Variants in WWOX observed in about 807,000 individuals in gnomAD.
WWOX encodes the protein WW domain-containing oxidoreductase.
A neutral mutation model predicts 46.2 loss-of-function variants in WWOX; 69 were observed. That is an observed-to-expected ratio of 1.49 (90% CI 1.23 to 1.82). The LOEUF (loss-of-function observed/expected upper bound fraction) is 1.82, where lower values mean the gene tolerates loss of function less well. Among genes scored for constraint, WWOX ranks in the 40% most tolerant of loss-of-function variants. The pLI is 0.00. For synonymous variants in WWOX, 359 were observed against 202.6 expected, an observed-to-expected ratio of 1.77 and a Z score of -6.56; for missense variants, 919 against 542.6, an observed-to-expected ratio of 1.69 and a Z score of -6.89.
chr16:78,585,732 TTC>T (rs1196496422), intron 8 of WWOX, among the ~76,000 whole-genome samples: 1 of 151,692 alleles, frequency 6.6e-6, no homozygotes, highest in Admixed American at 6.6e-5. Context: ...TGTGCTTGGC[TTC>T]TCCACAGAGG....
chr16:78,965,341 G>A (rs955409221), intron 8 of WWOX, among the ~76,000 whole-genome samples: 3 of 152,124 alleles, frequency 2.0e-5, no homozygotes, highest in African/African-American at 7.2e-5. Context: ...GGCTGAGGTG[G>A]GTGGAGCACC....
intron 8 of WWOX, among the ~76,000 whole-genome samples, chr16:78,965,602 A>G (rs2046350034): frequency 6.6e-6 from 1 of 151,792 alleles, no homozygotes; most frequent in Non-Finnish European, 1.5e-5. Context: ...TTATTCAGAT[A>G]CACAGTCTAA....
intron 8 of WWOX, among the ~76,000 whole-genome samples, chr16:79,192,063 A>T (rs2051147333): frequency 6.6e-6 from 1 of 152,200 alleles, no homozygotes; most frequent in Non-Finnish European, 1.5e-5. Flanking sequence ...CTTCTCCTCA[A>T]GATAAGGGAT....
chr16:78,591,190 A>T (rs1597316388), intron 8 of WWOX, among the ~76,000 whole-genome samples: 1 of 152,180 alleles, frequency 6.6e-6, no homozygotes, highest in Non-Finnish European at 1.5e-5. Flanking sequence ...TCCAGACATT[A>T]TAACCAGATA....
chr16:78,850,074 A>T (rs1480800020), intron 8 of WWOX, among the ~76,000 whole-genome samples: 1 of 146,404 alleles, frequency 6.8e-6, no homozygotes, highest in Non-Finnish European at 1.5e-5. Flanking sequence ...TTCCTTCTTA[A>T]AAAAAAAAAA....
At chr16:78,732,334 A>G (rs1405769121) in intron 8 of WWOX, among the ~76,000 whole-genome samples, 3 of 152,134 alleles carry the variant, frequency 2.0e-5, no homozygotes, top group African/African-American at 7.2e-5. Context: ...GCCATGAGGA[A>G]ACTCAATCTA....
chr16:79,163,991 C>A lies in WWOX; in HGVS notation c.1057-47617C>A, dbSNP rs994254158. On this transcript the variant is annotated intron_variant, in intron 8 of 8. Coordinates refer to ENST00000566780, the MANE Select transcript of WWOX (RefSeq NM_016373.4). ...GCAGGGTGTCTGTGGGCATGGTTTGCAAATAAACAGTGAGAAGTATAAGCT... is the reference window on the plus strand; with the variant it reads ...GCAGGGTGTCTGTGGGCATGGTTTGAAAATAAACAGTGAGAAGTATAAGCT... 3.0e-4 allele frequency among the ~76,000 whole-genome samples: 46 copies of A among 151,666 alleles called. 1 individual carries two copies. The highest frequency in any genetic ancestry group is 5.7e-4 in the Non-Finnish European group (39 of 67,988).
chr16:78,561,229 C>T (rs1490470357), intron 8 of WWOX, among the ~76,000 whole-genome samples: 1 of 152,186 alleles, frequency 6.6e-6, no homozygotes, highest in Non-Finnish European at 1.5e-5. Context: ...CAGAAACTCT[C>T]TTGTGCATGG....
chr16:79,023,208 A>C (rs1426884570), intron 8 of WWOX, among the ~76,000 whole-genome samples: 1 of 152,202 alleles, frequency 6.6e-6, no homozygotes, highest in Non-Finnish European at 1.5e-5. Flanking sequence ...GGATGGGAAA[A>C]CAGTCCATCT....
chr16:78,788,345 C>T (rs776857662), intron 8 of WWOX, among the ~76,000 whole-genome samples: 6 of 152,198 alleles, frequency 3.9e-5, no homozygotes, highest in Non-Finnish European at 8.8e-5. Context: ...CATCAGGAAA[C>T]AGAATCTCTT....
At chr16:78,516,785 G>A (rs1411997527) in intron 8 of WWOX, among the ~76,000 whole-genome samples, 3 of 152,140 alleles carry the variant, frequency 2.0e-5, no homozygotes, top group Non-Finnish European at 4.4e-5. Flanking sequence ...AAAAATCCGT[G>A]GCAAGGTACC....
intron 8 of WWOX, among the ~76,000 whole-genome samples, chr16:78,853,275 C>T (rs192164627): frequency 8.0e-4 from 121 of 152,176 alleles, no homozygotes; most frequent in African/African-American, 2.8e-3. Context: ...GGCTGGAGTG[C>T]AGTGGCGTGA....
At chr16:78,600,362 C>G (rs1380444617) in intron 8 of WWOX, among the ~76,000 whole-genome samples, 4 of 152,046 alleles carry the variant, frequency 2.6e-5, no homozygotes, top group African/African-American at 9.7e-5. Flanking sequence ...AGGGGGGGCC[C>G]CAGATGACGG....
chr16:79,039,200 G>C (rs528206497), intron 8 of WWOX, among the ~76,000 whole-genome samples: 23 of 152,250 alleles, frequency 1.5e-4, no homozygotes, highest in African/African-American at 4.3e-4. Flanking sequence ...CCAGGACTTT[G>C]CGTTGCAGTT....
chr16:78,227,043 G>A (rs1029134201), intron 5 of WWOX, among the ~76,000 whole-genome samples: 1 of 152,144 alleles, frequency 6.6e-6, no homozygotes, highest in Non-Finnish European at 1.5e-5. Flanking sequence ...AGTTCACAAT[G>A]CCAGTGGTTC....
At chr16:78,156,296 A>G (rs372782265) in intron 4 of WWOX, among the ~76,000 whole-genome samples, 1 of 152,058 alleles carries the variant, frequency 6.6e-6, no homozygotes, top group South Asian at 2.1e-4. Flanking sequence ...GCAGGACTTA[A>G]CAGGTTTGTT....
At chr16:78,731,261 A>G (rs1168201481) in intron 8 of WWOX, among the ~76,000 whole-genome samples, 1 of 152,168 alleles carries the variant, frequency 6.6e-6, no homozygotes, top group African/African-American at 2.4e-5. Flanking sequence ...GTCCAAGGTT[A>G]GACCCGAGGT....
chr16:79,009,575 C>G (rs2047262301), intron 8 of WWOX, among the ~76,000 whole-genome samples: 1 of 152,006 alleles, frequency 6.6e-6, no homozygotes, highest in Non-Finnish European at 1.5e-5. Flanking sequence ...TCAAGCGATT[C>G]TCCTGCCTCA....
chr16:78,744,737 C>A (rs1157600945), intron 8 of WWOX, among the ~76,000 whole-genome samples: 1 of 152,020 alleles, frequency 6.6e-6, no homozygotes, highest in African/African-American at 2.4e-5. Context: ...TTTCTATTAC[C>A]AGCCTGCACT....
Sources: allele counts gnomAD v4.1 joint callset (sites outside exome capture counted in the v4.1 genomes callset), GRCh38; gene constraint gnomAD v4.1.1; transcripts MANE v1.5; gene names NCBI Gene and HGNC (gene_info 2026-07-23, HGNC 2026-07-21).